ANKRD17: variants seen among roughly 807,000 people sequenced by gnomAD.
ANKRD17 encodes the protein ankyrin repeat domain-containing protein 17.
In ANKRD17, 19 loss-of-function variants were observed where a neutral mutation model predicts 229.7. The ratio of observed to expected loss-of-function variants is 0.08; its 90% CI spans 0.06 to 0.12. ANKRD17 has a LOEUF of 0.12. Among genes scored for constraint, ANKRD17 ranks in the 10% least tolerant of loss-of-function variants. The pLI, the probability that ANKRD17 is intolerant of heterozygous loss-of-function variation, is 1.00. For missense variants in ANKRD17, 2,176 were observed against 3,176.8 expected (o/e 0.68, Z 7.57); for synonymous variants, 1,112 against 1,146.1 (o/e 0.97, Z 0.60).
intron 10 of ANKRD17, among the ~76,000 whole-genome samples, chr4:73,145,927 A>G (rs868088695): frequency 4.6e-5 from 7 of 152,142 alleles, no homozygotes; most frequent in Admixed American, 2.0e-4. Flanking sequence ...CTGCACATGA[A>G]TTTGTCATAA....
At chr4:73,087,519 A>T (rs559138846) in intron 29 of ANKRD17, among the ~76,000 whole-genome samples, 9 of 152,380 alleles carry the variant, frequency 5.9e-5, no homozygotes, top group African/African-American at 2.2e-4. Context: ...AGTCAATGTC[A>T]AGAATTACAG....
intron 28 of ANKRD17, among the ~76,000 whole-genome samples, chr4:73,093,277 C>G (rs1722956917): frequency 6.6e-6 from 1 of 151,598 alleles, no homozygotes; most frequent in African/African-American, 2.4e-5. Context: ...TTTCTTAGAA[C>G]ATCACTTTTA....
chr4:73,097,029 G>C, intron 27 of ANKRD17, 88 bp downstream of exon 27: 1 of 1,443,996 alleles, frequency 6.9e-7, no homozygotes, highest in Non-Finnish European at 9.3e-7. Context: ...GCAACCTTTA[G>C]AAGAGTAGGA....
intron 24 of ANKRD17, chr4:73,112,494 C>T (rs1291677601): frequency 4.7e-6 from 1 of 213,052 alleles, no homozygotes; most frequent in African/African-American, 2.3e-5. Flanking sequence ...ATGGCCAAAA[C>T]AGCTACTTTT....
intron 3 of ANKRD17, among the ~76,000 whole-genome samples, chr4:73,158,180 G>GAAAGAAAGAAAGAAAGAAAGAA (rs1553925375): frequency 6.6e-6 from 1 of 151,246 alleles, no homozygotes; most frequent in East Asian, 1.9e-4. Flanking sequence ...AAGAAAGAAA[G>GAAAGAAAGAAAGAAAGAAAGAA]AAAGAAAGAG....
intron 24 of ANKRD17, among the ~76,000 whole-genome samples, chr4:73,109,116 A>G (rs1393880717): frequency 6.6e-6 from 1 of 152,166 alleles, no homozygotes; most frequent in Non-Finnish European, 1.5e-5. Flanking sequence ...CCTGGCTAAC[A>G]TGGTGAAACC....
intron 25 of ANKRD17, chr4:73,099,198 A>G: frequency 1.6e-6 from 1 of 638,770 alleles, no homozygotes; most frequent in Non-Finnish European, 2.9e-6. Flanking sequence ...CTGGGACTGG[A>G]CAGCTTTTGC....
intron 16 of ANKRD17, among the ~76,000 whole-genome samples, chr4:73,127,965 C>T (rs1273108597): frequency 6.6e-6 from 1 of 152,160 alleles, no homozygotes; most frequent in African/African-American, 2.4e-5. Flanking sequence ...ACGGCAAAAG[C>T]TGCTCTGCAG....
chr4:73,073,929 CCACAT>C lies in ANKRD17; in HGVS notation c.*2297_*2301del, dbSNP rs1720858491. 6.6e-6 allele frequency: 1 copy of C among 151,902 alleles called. No homozygotes were observed. Among genetic ancestry groups the C allele is most frequent in the Non-Finnish European group, 1.5e-5 (1 of 67,864 alleles). The allele number at this position is 151,902 out of a possible 1,614,324, so 9.4% of individuals were successfully genotyped here. A position where few individuals can be genotyped will look rare whatever the true frequency, so the allele number is the denominator to read the frequency against. ...ATGATGTAGTCTGCATATACACATA[CCACAT>C]ATTTTCAAAATTAAAAAATAAAAGA... is the stretch of plus-strand genomic sequence containing the variant. On this transcript the variant is annotated 3_prime_UTR_variant, in exon 34 of 34. Coordinates refer to ENST00000358602, the MANE Select transcript of ANKRD17 (RefSeq NM_032217.5).
At chr4:73,231,946 A>G (rs1033658952) in intron 1 of ANKRD17, among the ~76,000 whole-genome samples, 2 of 152,246 alleles carry the variant, frequency 1.3e-5, no homozygotes, top group Non-Finnish European at 2.9e-5. Context: ...GCACGCCCAG[A>G]GAGGGCAGAA....
Position 73,139,662 on chromosome 4 carries a change from A to G in ANKRD17, c.2954T>C (p.Val985Ala). The change falls in exon 15 of 34, where the codon GTT becomes GCT. Residue 985 changes from valine to alanine, a missense_variant. Transcript: ENST00000358602. ...ANLTELQGVI[V>A]GQPVLGQAQL... ...TGCTTGGCCCAGTACTGGCTGTCCA[A>G]CTATCACTCCTTGCAGTTCTGTAAG... 1.2e-6 allele frequency: 2 copies of G among 1,614,054 alleles called. No individual in the cohort carries two copies. Among genetic ancestry groups the G allele is most frequent in the Non-Finnish European group, 1.7e-6 (2 of 1,179,992 alleles).
At chr4:73,128,275 T>C (rs937721731) in intron 16 of ANKRD17, among the ~76,000 whole-genome samples, 5 of 152,230 alleles carry the variant, frequency 3.3e-5, no homozygotes, top group African/African-American at 9.6e-5. Flanking sequence ...CTCTCCCCAC[T>C]ATATCACAGA....
chr4:73,191,861 CA>C (rs1647196062), intron 1 of ANKRD17, among the ~76,000 whole-genome samples: 1 of 151,952 alleles, frequency 6.6e-6, no homozygotes, highest in African/African-American at 2.4e-5. Flanking sequence ...TTTAAAAATA[CA>C]ATTTTCTTTC....
At chr4:73,089,104 C>T (rs1406893116) in intron 29 of ANKRD17, among the ~76,000 whole-genome samples, 1 of 145,784 alleles carries the variant, frequency 6.9e-6, no homozygotes, top group Non-Finnish European at 1.5e-5. Flanking sequence ...GAGGTGTGAT[C>T]TCAGCTCACT....
At chr4:73,097,617 T>C (rs936408183) in intron 26 of ANKRD17, among the ~76,000 whole-genome samples, 8 of 152,020 alleles carry the variant, frequency 5.3e-5, no homozygotes, top group African/African-American at 1.9e-4. Flanking sequence ...AAAAAAATTA[T>C]TTGTAGAGAC....
chr4:73,234,605 G>A (rs188107590), intron 1 of ANKRD17, among the ~76,000 whole-genome samples: 10 of 152,322 alleles, frequency 6.6e-5, no homozygotes, highest in South Asian at 2.1e-4. Flanking sequence ...TAGGGCACGC[G>A]TATACGCAGG....
intron 1 of ANKRD17, among the ~76,000 whole-genome samples, chr4:73,179,884 A>G (rs1390418827): frequency 6.6e-6 from 1 of 152,146 alleles, no homozygotes; most frequent in Non-Finnish European, 1.5e-5. Flanking sequence ...GTGATTCAAA[A>G]TTATAGCAGT....
Position 73,147,152 on chromosome 4 carries a change from T to C in ANKRD17, c.1759+89A>G, listed in dbSNP as rs1578188960. On this transcript the variant is annotated intron_variant, in intron 9 of 33. Coordinates refer to ENST00000358602, the MANE Select transcript of ANKRD17 (RefSeq NM_032217.5). ...TTTTTTTAAACTCACACATTCAGTG[T>C]ATCATAGCATCATAAAAATATTTGC... 2.4e-6 allele frequency: 3 copies of C among 1,240,380 alleles called. No homozygotes were observed. The East Asian group carries it at 7.2e-5, about 30-fold the overall frequency. 76.8% of individuals were successfully genotyped at this position (1,240,380 alleles called of 1,614,324 possible).
chr4:73,222,257 A>G (rs1435785574), intron 1 of ANKRD17, among the ~76,000 whole-genome samples: 1 of 152,200 alleles, frequency 6.6e-6, no homozygotes, highest in African/African-American at 2.4e-5. Flanking sequence ...AAGCAATTAT[A>G]GTTTCACTTT....
Sources: allele counts gnomAD v4.1 joint callset (sites outside exome capture counted in the v4.1 genomes callset), GRCh38; gene constraint gnomAD v4.1.1; transcripts MANE v1.5; gene names NCBI Gene and HGNC (gene_info 2026-07-23, HGNC 2026-07-21).